ZMYM2: variants seen among roughly 807,000 people sequenced by gnomAD.
ZMYM2 encodes the protein zinc finger MYM-type containing 2, also known as zinc finger MYM-type protein 2.
A neutral mutation model predicts 162.8 loss-of-function variants in ZMYM2; 56 were observed. The ratio of observed to expected loss-of-function variants is 0.34; its 90% CI spans 0.28 to 0.43. ZMYM2 has a LOEUF of 0.43. ZMYM2 is among the 20% of genes least tolerant of loss of function. The pLI is 1.00. For missense variants in ZMYM2, 1,275 were observed against 1,621.8 expected, an observed-to-expected ratio of 0.79 and a Z score of 3.67; for synonymous variants, 510 against 541.6, an observed-to-expected ratio of 0.94 and a Z score of 0.81.
chr13:20,019,052 C>T (rs531025079), intron 6 of ZMYM2, among the ~76,000 whole-genome samples: 71 of 140,336 alleles, frequency 5.1e-4, no homozygotes, highest in African/African-American at 1.6e-3. Context: ...TGCAATTCAG[C>T]GTGGGTGACA....
intron 2 of ZMYM2, among the ~76,000 whole-genome samples, chr13:19,974,455 A>G (rs946248632): frequency 2.0e-5 from 3 of 147,552 alleles, no homozygotes; most frequent in Admixed American, 6.8e-5. Flanking sequence ...AAATCTTTTG[A>G]TTTTACCATG....
the ZMYM2 span, among the ~76,000 whole-genome samples, chr13:19,929,657 G>T: frequency 1.3e-5 from 2 of 152,080 alleles, no homozygotes; most frequent in African/African-American, 4.8e-5. Context: ...AAAAGTGTTT[G>T]GATTTATCAT....
intron 2 of ZMYM2, among the ~76,000 whole-genome samples, chr13:19,982,046 G>A (rs749816722): frequency 3.9e-5 from 6 of 152,188 alleles, no homozygotes; most frequent in Non-Finnish European, 5.9e-5. Flanking sequence ...GTGACTTGCA[G>A]TTTTAGGTGG....
the ZMYM2 span, among the ~76,000 whole-genome samples, chr13:19,946,510 C>T: frequency 6.6e-6 from 1 of 152,270 alleles, no homozygotes; most frequent in Non-Finnish European, 1.5e-5. Context: ...TAGCGATGGT[C>T]CTCATCGTTA....
chr13:20,046,544 A>C (rs1954796720), intron 12 of ZMYM2, among the ~76,000 whole-genome samples: 1 of 106,098 alleles, frequency 9.4e-6, no homozygotes. Flanking sequence ...ACACAGTAAG[A>C]CTTTGTCTCT....
At chr13:19,898,210 T>A in the ZMYM2 span, among the ~76,000 whole-genome samples, 807 of 151,710 alleles carry the variant, frequency 5.3e-3, 9 homozygotes, top group African/African-American at 0.018. Context: ...AGTAAAAAAA[T>A]ATATATATGG....
intron 21 of ZMYM2, among the ~76,000 whole-genome samples, chr13:20,076,794 CTTAT>C (rs1298441972): frequency 6.7e-6 from 1 of 150,184 alleles, no homozygotes; most frequent in African/African-American, 2.5e-5. Context: ...GATTTCTAAG[CTTAT>C]TTAATCCTTA....
chr13:19,963,991 T>A (rs987850414), intron 2 of ZMYM2, among the ~76,000 whole-genome samples: 15 of 152,156 alleles, frequency 9.9e-5, no homozygotes, highest in African/African-American at 2.9e-4. Context: ...GCTCTTTAAT[T>A]TGAAAGAAGG....
chr13:19,885,887 A>ATGTGTG, the ZMYM2 span, among the ~76,000 whole-genome samples: 1 of 128,230 alleles, frequency 7.8e-6, no homozygotes, highest in Non-Finnish European at 1.6e-5. Context: ...ATACACATAT[A>ATGTGTG]TATGTGTATA....
chr13:20,044,030 G>A (rs2140457628), intron 12 of ZMYM2, among the ~76,000 whole-genome samples: 1 of 152,248 alleles, frequency 6.6e-6, no homozygotes, highest in Non-Finnish European at 1.5e-5. Flanking sequence ...AACAGATTAA[G>A]GGATGCTCAG....
the ZMYM2 span, among the ~76,000 whole-genome samples, chr13:19,948,588 A>G: frequency 6.6e-6 from 1 of 152,366 alleles, no homozygotes; most frequent in South Asian, 2.1e-4. Context: ...ATCAATGGTT[A>G]CTACGGGTTA....
At position 19,986,576 on chromosome 13, in the gene ZMYM2, A is replaced by G. The variant is rs539119984; in HGVS notation, c.-10-6487A>G. 3.9e-5 allele frequency among the ~76,000 whole-genome samples: 6 copies of G among 151,926 alleles called. No individual in the cohort carries two copies. The South Asian group carries it at 1.2e-3, about 32-fold the overall frequency. ...CTTTAGTTACTTTTAAATAAATTTG[A>G]AAAAAAAATTTTTAACATTTCTATT... On this transcript the variant is annotated intron_variant, in intron 2 of 24. Coordinates refer to ENST00000610343, the MANE Select transcript of ZMYM2 (RefSeq NM_197968.4).
intron 2 of ZMYM2, among the ~76,000 whole-genome samples, chr13:19,976,346 AAG>A (rs1185798540): frequency 6.6e-6 from 1 of 151,758 alleles, no homozygotes; most frequent in Non-Finnish European, 1.5e-5. Flanking sequence ...AAAAGAAAGA[AAG>A]AAAGAAAGAA....
At position 20,049,492 on chromosome 13, in the gene ZMYM2, C is replaced by G. The variant is rs369206607; in HGVS notation, c.2293-1941C>G. Among the ~76,000 whole-genome samples, 6 of 152,084 alleles carry G rather than the reference C, an allele frequency of 3.9e-5. No individual in the cohort carries two copies. The South Asian group carries it at 8.3e-4, about 21-fold the overall frequency. ...GTACATGTAATGATTTGAATTAATA[C>G]AGATTTCTGTTTTAAATGTTAAATT... On this transcript the variant is annotated intron_variant, in intron 12 of 24. Coordinates refer to ENST00000610343, the MANE Select transcript of ZMYM2 (RefSeq NM_197968.4).
intron 3 of ZMYM2, among the ~76,000 whole-genome samples, chr13:19,999,897 A>C (rs1263123333): frequency 1.3e-5 from 2 of 152,182 alleles, no homozygotes; most frequent in African/African-American, 4.8e-5. Context: ...TCACAGGCTC[A>C]AGAGATCCTC....
At chr13:19,954,147 T>TTTTTTTTTTTTTTTTTTTTTG (rs1954472661), upstream of ZMYM2, among the ~76,000 whole-genome samples, 1 of 137,762 alleles carries the variant, frequency 7.3e-6, no homozygotes, top group African/African-American at 2.6e-5. Flanking sequence ...TTTTTTTTTT[T>TTTTTTTTTTTTTTTTTTTTTG]AGACGGAGTC....
intron 2 of ZMYM2, among the ~76,000 whole-genome samples, chr13:19,960,398 C>A (rs1457479621): frequency 6.6e-6 from 1 of 152,246 alleles, no homozygotes; most frequent in African/African-American, 2.4e-5. Context: ...GCAACCTGAA[C>A]ATTTTTTCTT....
chr13:20,062,106 A>C (rs1048891852), intron 17 of ZMYM2, among the ~76,000 whole-genome samples: 1 of 152,164 alleles, frequency 6.6e-6, no homozygotes, highest in Non-Finnish European at 1.5e-5. Flanking sequence ...CTTACCCTAG[A>C]GGACAATCAA....
chr13:20,061,365 A>AATGGTTCGG, intron 17 of ZMYM2, 141 bp downstream of exon 17: 1 of 716,896 alleles, frequency 1.4e-6, no homozygotes, highest in Non-Finnish European at 2.0e-6. Flanking sequence ...AATGTTTTTT[A>AATGGTTCGG]TATTAAGAGA....
Sources: allele counts gnomAD v4.1 joint callset (sites outside exome capture counted in the v4.1 genomes callset), GRCh38; gene constraint gnomAD v4.1.1; transcripts MANE v1.5; gene names NCBI Gene and HGNC (gene_info 2026-07-23, HGNC 2026-07-21).